HDAC4: variants seen among roughly 807,000 people sequenced by gnomAD.
The protein encoded by HDAC4 is histone deacetylase 4.
A neutral mutation model predicts 135.1 loss-of-function variants in HDAC4; 16 were observed. The ratio of observed to expected loss-of-function variants is 0.12; its 90% CI spans 0.08 to 0.18. HDAC4 has a LOEUF of 0.18. HDAC4 is among the 10% of genes least tolerant of loss of function. HDAC4 has a pLI of 1.00. For synonymous variants in HDAC4, 685 were observed against 653.4 expected, an observed-to-expected ratio of 1.05 and a Z score of -0.74; for missense variants, 1,143 against 1,511.8, an observed-to-expected ratio of 0.76 and a Z score of 4.05.
At chr2:239,358,383 C>G (rs547520277) in intron 1 of HDAC4, among the ~76,000 whole-genome samples, 2 of 152,338 alleles carry the variant, frequency 1.3e-5, no homozygotes, top group Admixed American at 6.5e-5. Flanking sequence ...GTTTTTCTGG[C>G]AAGCCTCCAA....
intron 12 of HDAC4, among the ~76,000 whole-genome samples, chr2:239,124,485 G>A (rs529124436): frequency 5.3e-5 from 8 of 152,378 alleles, no homozygotes; most frequent in Admixed American, 5.2e-4. Context: ...ATGGCTGAAT[G>A]ACATTCCGGC....
intron 2 of HDAC4, among the ~76,000 whole-genome samples, chr2:239,290,203 T>C (rs1412492138): frequency 6.6e-6 from 1 of 152,220 alleles, no homozygotes; most frequent in East Asian, 1.9e-4. Flanking sequence ...TTTTTTCAAA[T>C]GTGCACTAAC....
chr2:239,049,828 A>G lies in HDAC4; in HGVS notation c.*3269T>C, dbSNP rs2030554322. 6.6e-6 allele frequency: 1 copy of G among 152,056 alleles called. No homozygotes were observed. The highest frequency in any genetic ancestry group is 2.4e-5 in the African/African-American group (1 of 41,574). The allele number at this position is 152,056 out of a possible 1,614,324, so 9.4% of individuals were successfully genotyped here. ...AGCCGCCTGCTGGTGGGGCGTGGGC[A>G]CGTGGGCACGCTGCGGCACGGCGGG... On this transcript the variant is annotated 3_prime_UTR_variant, in exon 27 of 27. Transcript: ENST00000543185.
intron 2 of HDAC4, among the ~76,000 whole-genome samples, chr2:239,255,603 T>C (rs1296717932): frequency 1.3e-5 from 2 of 152,180 alleles, no homozygotes; most frequent in Admixed American, 1.3e-4. Context: ...ACCAAAACAC[T>C]TGACACGCCA....
chr2:239,054,555 C>T (rs1223154616), intron 25 of HDAC4, among the ~76,000 whole-genome samples, 194 bp downstream of exon 25: 1 of 152,130 alleles, frequency 6.6e-6, no homozygotes, highest in Non-Finnish European at 1.5e-5. Flanking sequence ...CGGGGGAAAT[C>T]CAGTCGGGGT....
intron 2 of HDAC4, among the ~76,000 whole-genome samples, chr2:239,304,610 C>A (rs1377796092): frequency 6.6e-6 from 1 of 152,132 alleles, no homozygotes; most frequent in East Asian, 1.9e-4. Context: ...GTGAAAAAAC[C>A]TCACACACAA....
At chr2:239,111,804 G>A (rs540739180) in intron 13 of HDAC4, 92 bp from the exon 14 acceptor site, 35 of 1,209,966 alleles carry the variant, frequency 2.9e-5, no homozygotes, top group Middle Eastern at 2.6e-4. Flanking sequence ...CAAGTCTCCC[G>A]TCCACGCACA....
chr2:239,166,996 T>C (rs940875552), intron 5 of HDAC4, among the ~76,000 whole-genome samples: 1 of 152,104 alleles, frequency 6.6e-6, no homozygotes, highest in African/African-American at 2.4e-5. Flanking sequence ...AACCGCAAAA[T>C]GATGCTGGTG....
At chr2:239,228,089 G>A (rs1190436006) in intron 3 of HDAC4, among the ~76,000 whole-genome samples, 2 of 152,206 alleles carry the variant, frequency 1.3e-5, no homozygotes, top group Admixed American at 1.3e-4. Context: ...GCAGAGCCAC[G>A]AACCTGGGGC....
chr2:239,387,696 A>G (rs1486382726), intron 1 of HDAC4, among the ~76,000 whole-genome samples: 3 of 152,174 alleles, frequency 2.0e-5, no homozygotes, highest in Admixed American at 6.5e-5. Context: ...CGAGGCTTAG[A>G]GCGGTTGGGT....
At chr2:239,054,618 G>A (rs2031488229) in intron 25 of HDAC4, 131 bp downstream of exon 25, 1 of 742,286 alleles carries the variant, frequency 1.3e-6, no homozygotes, top group Admixed American at 1.8e-5. Flanking sequence ...AAGGCCTTCT[G>A]CTGCAGGCCT....
chr2:239,199,207 C>T (rs979613387), intron 3 of HDAC4, among the ~76,000 whole-genome samples: 1 of 151,858 alleles, frequency 6.6e-6, no homozygotes, highest in African/African-American at 2.4e-5. Context: ...GGCTCTGTCC[C>T]CCGTTCTTCT....
At chr2:239,390,027 G>A (rs769410970) in intron 1 of HDAC4, among the ~76,000 whole-genome samples, 18 of 152,164 alleles carry the variant, frequency 1.2e-4, no homozygotes, top group Non-Finnish European at 2.2e-4. Flanking sequence ...AGCGGGCAGG[G>A]CCTGTGTATC....
At chr2:239,242,904 C>T (rs2048268273) in intron 2 of HDAC4, among the ~76,000 whole-genome samples, 1 of 152,124 alleles carries the variant, frequency 6.6e-6, no homozygotes, top group South Asian at 2.1e-4. Context: ...TTTCCCCTTC[C>T]ATCTGATAAC....
At chr2:239,071,036 C>G (rs767274798) in intron 22 of HDAC4, among the ~76,000 whole-genome samples, 1 of 151,278 alleles carries the variant, frequency 6.6e-6, no homozygotes, top group Non-Finnish European at 1.5e-5. Flanking sequence ...AGGTGGATGC[C>G]TAATGGTTTC....
At chr2:239,181,510 T>A (rs1420373757) in intron 4 of HDAC4, among the ~76,000 whole-genome samples, 1 of 152,256 alleles carries the variant, frequency 6.6e-6, no homozygotes, top group African/African-American at 2.4e-5. Flanking sequence ...ACCTGTATCT[T>A]TCCCATGGCA....
At chr2:239,280,837 CCA>C (rs573828640) in intron 2 of HDAC4, among the ~76,000 whole-genome samples, 4,133 of 151,176 alleles carry the variant, frequency 0.027, 226 homozygotes, top group African/African-American at 0.095. Flanking sequence ...AATGTACACA[CCA>C]CTCTCCACAC....
chr2:239,222,582 C>T (rs2047021558), intron 3 of HDAC4, among the ~76,000 whole-genome samples: 1 of 145,012 alleles, frequency 6.9e-6, no homozygotes, highest in African/African-American at 2.6e-5. Flanking sequence ...AGTTCTCATA[C>T]AGAAGCGCAG....
At chr2:239,097,892 C>T (rs1165371879) in intron 16 of HDAC4, among the ~76,000 whole-genome samples, 1 of 152,212 alleles carries the variant, frequency 6.6e-6, no homozygotes, top group African/African-American at 2.4e-5. Context: ...CTCCGTGGGC[C>T]ACGTCCTTCC....
Sources: gnomAD v4.1 joint callset for allele counts (sites outside exome capture counted in the v4.1 genomes callset) on GRCh38, gnomAD v4.1.1 for gene constraint, MANE v1.5 for transcripts, NCBI Gene and HGNC (gene_info 2026-07-23, HGNC 2026-07-21) for gene names.